Variants in RPS24 observed in about 807,000 individuals in gnomAD.
RPS24 encodes the protein ribosomal protein S24, also known as small ribosomal subunit protein eS24.
For synonymous variants in RPS24, 72 were observed against 55.6 expected (o/e 1.30, Z -1.31); for missense variants, 100 against 162.5 (o/e 0.62, Z 2.09).
intron 4 of RPS24, chr10:78,039,102 TTGCC>T (rs1201936633): frequency 3.9e-5 from 6 of 152,174 alleles, no homozygotes; most frequent in Admixed American, 3.9e-4. Context: ...AAACCTGGGA[TTGCC>T]TGCCCAGGAC....
chr10:78,034,018 G>A lies in RPS24; in HGVS notation c.3+114G>A. On this transcript the variant is annotated intron_variant, in intron 1 of 5. Transcript: ENST00000372360. Reference sequence around the variant, plus strand: ...GAAGCCCGGTTGCTCTTCTCTGGCCGTTTCTGTCAGAGGATGGTTGTCGAG... The same window carrying A: ...GAAGCCCGGTTGCTCTTCTCTGGCCATTTCTGTCAGAGGATGGTTGTCGAG... 3.7e-6 allele frequency: 5 copies of A among 1,334,388 alleles called. No homozygotes were observed. In the South Asian group the frequency reaches 4.7e-5, roughly 12 times the overall value. 82.7% of individuals were successfully genotyped at this position (1,334,388 alleles called of 1,614,324 possible).
intron 4 of RPS24, chr10:78,054,479 G>T: frequency 6.8e-7 from 1 of 1,466,390 alleles, no homozygotes; most frequent in Non-Finnish European, 9.2e-7. Context: ...AGGGCGGCTG[G>T]AAGGCACCTG....
At chr10:78,045,859 G>T (rs965055740) in intron 4 of RPS24, among the ~76,000 whole-genome samples, 1 of 151,992 alleles carries the variant, frequency 6.6e-6, no homozygotes, top group African/African-American at 2.4e-5. Flanking sequence ...AAAATTAGCT[G>T]GGCGTGGTGG....
rs1478585122 is a variant in RPS24 at position 78,054,487 on chromosome 10, C to G, written c.391-44C>G. The G allele has an allele frequency of 9.4e-6, 14 of 1,489,582 alleles. No individual in the cohort carries two copies. The East Asian group carries it at 3.5e-4, about 37-fold the overall frequency. 92.3% of individuals were successfully genotyped at this position (1,489,582 alleles called of 1,614,324 possible). A position where few individuals can be genotyped will look rare whatever the true frequency, so the allele number is the denominator to read the frequency against. ...GCAGAACAGGGCGGCTGGAAGGCAC[C>G]TGGACAATCCTCTGAGACTATTCTC... On this transcript the variant is annotated intron_variant, in intron 4 of 4. Coordinates refer to the RPS24 transcript ENST00000440692.
chr10:78,044,830 CGTT>C (rs755838054), downstream of RPS24, among the ~76,000 whole-genome samples: 7 of 150,882 alleles, frequency 4.6e-5, no homozygotes, highest in African/African-American at 7.3e-5. Context: ...GAAAATAAAA[CGTT>C]GGAGAATTAG....
chr10:78,034,070 C>T (rs1481710957), intron 1 of RPS24, 166 bp downstream of exon 1: 2 of 757,276 alleles, frequency 2.6e-6, no homozygotes, highest in Non-Finnish European at 4.6e-6. Flanking sequence ...GCAGGGCGTC[C>T]GGGCTGGCGG....
exon 5 of RPS24, chr10:78,055,009 A>G (rs982637556): frequency 6.8e-7 from 1 of 1,461,550 alleles, no homozygotes; most frequent in Non-Finnish European, 9.1e-7. Flanking sequence ...CTGGGCCACT[A>G]ATGTCACTGC....
chr10:78,051,999 G>A (rs976696153), intron 4 of RPS24, among the ~76,000 whole-genome samples: 1 of 151,622 alleles, frequency 6.6e-6, no homozygotes, highest in Non-Finnish European at 1.5e-5. Context: ...CTCCTATTCT[G>A]TGGATTGTCC....
At chr10:78,055,104 C>A in exon 5 of RPS24, 1 of 1,435,682 alleles carries the variant, frequency 7.0e-7, no homozygotes, top group South Asian at 1.6e-5. Context: ...CTGTGGAAAT[C>A]GGAGTCACAT....
downstream of RPS24, among the ~76,000 whole-genome samples, chr10:78,043,014 T>C: frequency 6.6e-6 from 1 of 151,734 alleles, no homozygotes; most frequent in Non-Finnish European, 1.5e-5. Context: ...CATACACACA[T>C]ATTTTTTTTG....
chr10:78,050,685 G>A (rs1322659194), intron 4 of RPS24, among the ~76,000 whole-genome samples: 5 of 152,144 alleles, frequency 3.3e-5, no homozygotes, highest in Non-Finnish European at 7.3e-5. Context: ...ATCATAGCTC[G>A]TTGCATCCTC....
intron 4 of RPS24, chr10:78,039,614 A>T (rs527930087): frequency 6.4e-6 from 1 of 155,232 alleles, no homozygotes; most frequent in South Asian, 2.0e-4. Context: ...AGTTACTTAT[A>T]CTAAGGCATT....
At position 78,037,204 on chromosome 10, in the gene RPS24, A is replaced by G. The variant is rs1847889438; in HGVS notation, c.290A>G (p.Tyr97Cys). The change falls in exon 4 of 6, where the codon TAT becomes TGT. Residue 97 changes from tyrosine to cysteine, a missense_variant. Physicochemically the swap from Tyr to Cys is radical, Grantham distance 194. Coordinates refer to ENST00000372360, the MANE Select transcript of RPS24 (RefSeq NM_033022.4). ...TCTTTTCTCATTCAGCATGGCCTGT[A>G]TGAGAAGAAAAAGACCTCAAGAAAG... ...PKHRLARHGL[Y>C]EKKKTSRKQR... 6.2e-7 allele frequency: 1 copy of G among 1,603,228 alleles called. No individual in the cohort carries two copies. The highest frequency in any genetic ancestry group is 1.3e-5 in the African/African-American group (1 of 74,700).
At chr10:78,038,000 A>G in intron 4 of RPS24, 1 of 1,282,978 alleles carries the variant, frequency 7.8e-7, no homozygotes, top group Non-Finnish European at 1.0e-6. Context: ...GATTGTAAGC[A>G]CGGTGTGGGG....
intron 4 of RPS24, among the ~76,000 whole-genome samples, chr10:78,053,912 T>C (rs1408158950): frequency 6.6e-6 from 1 of 151,966 alleles, no homozygotes; most frequent in South Asian, 2.1e-4. Flanking sequence ...CACGAACCAA[T>C]TTGCAGAGCT....
exon 5 of RPS24, chr10:78,055,760 CT>C (rs950522402): frequency 4.7e-5 from 7 of 149,348 alleles, no homozygotes; most frequent in East Asian, 2.0e-4. Context: ...TGGATATCTT[CT>C]TTTTTTTTTG....
downstream of RPS24, chr10:78,040,741 C>T (rs1847975975): frequency 1.4e-6 from 2 of 1,431,618 alleles, no homozygotes; most frequent in Admixed American, 1.8e-5. Context: ...CCTGGGACTG[C>T]TAGGAGGTTA....
At chr10:78,040,032 G>C (rs548240626) in intron 4 of RPS24, 172 bp from the exon 5 acceptor site, 5 of 703,236 alleles carry the variant, frequency 7.1e-6, no homozygotes, top group Non-Finnish European at 1.3e-5. Flanking sequence ...AATAAAATCA[G>C]TGAGTCTGGA....
At chr10:78,047,257 C>G (rs911072519) in intron 4 of RPS24, among the ~76,000 whole-genome samples, 2 of 152,016 alleles carry the variant, frequency 1.3e-5, no homozygotes, top group Non-Finnish European at 2.9e-5. Flanking sequence ...TGAGCCACCG[C>G]GTCCAGCCAG....
Sources: allele counts gnomAD v4.1 joint callset (sites outside exome capture counted in the v4.1 genomes callset), GRCh38; gene constraint gnomAD v4.1.1; transcripts MANE v1.5; gene names NCBI Gene and HGNC (gene_info 2026-07-23, HGNC 2026-07-21).